FAF2: variants seen among roughly 807,000 people sequenced by gnomAD.
FAF2 encodes FAS-associated factor 2.
A neutral mutation model predicts 62.3 loss-of-function variants in FAF2; 9 were observed. The observed-to-expected ratio is 0.14, with a 90% CI of 0.09 to 0.25. The LOEUF (loss-of-function observed/expected upper bound fraction) is 0.25, where lower values mean the gene tolerates loss of function less well. FAF2 is among the 10% of genes least tolerant of loss of function. The pLI, the probability that FAF2 is intolerant of heterozygous loss-of-function variation, is 1.00. For missense variants in FAF2, 368 were observed against 556.2 expected (o/e 0.66, Z 3.40); for synonymous variants, 202 against 198.0 (o/e 1.02, Z -0.17).
intron 1 of FAF2, among the ~76,000 whole-genome samples, chr5:176,450,145 A>G (rs1161491052): frequency 6.6e-6 from 1 of 152,246 alleles, no homozygotes; most frequent in African/African-American, 2.4e-5. Flanking sequence ...AGACTTCACT[A>G]TAATAAATTT....
At chr5:176,504,498 C>A (rs150532871) in intron 10 of FAF2, among the ~76,000 whole-genome samples, 4 of 151,238 alleles carry the variant, frequency 2.6e-5, no homozygotes, top group African/African-American at 9.7e-5. Context: ...GCAGGAAAAT[C>A]GCTTGAGCCC....
chr5:176,494,203 G>GTGTTTATTATT lies in FAF2; in HGVS notation c.589_590insTGTTTATTATT (p.Glu197ValfsTer9). 6.2e-7 allele frequency: 1 copy of GTGTTTATTATT among 1,614,118 alleles called. No homozygotes were observed. Among genetic ancestry groups the GTGTTTATTATT allele is most frequent in the Non-Finnish European group, 8.5e-7 (1 of 1,180,002 alleles). On this transcript the variant is annotated frameshift_variant, in exon 7 of 11. Coordinates refer to ENST00000261942, the MANE Select transcript of FAF2 (RefSeq NM_014613.3). LOFTEE classifies it high-confidence loss of function. This position sits in a 1 kb window ranked among gnomAD's most constrained non-coding sequence, Gnocchi z 4.0. ...CCACAGCAACACACTCTGTGCACCT[G>GTGTTTATTATT]AAGTTATTTCACTAATAAACACTAG...
chr5:176,499,162 GA>G, intron 9 of FAF2, 77 bp downstream of exon 9: 3 of 1,339,650 alleles, frequency 2.2e-6, no homozygotes, highest in Non-Finnish European at 3.0e-6. Flanking sequence ...AGTGTGAAAG[GA>G]AAAAATGATA....
At chr5:176,460,857 TG>T (rs1318974454) in intron 1 of FAF2, among the ~76,000 whole-genome samples, 1 of 151,714 alleles carries the variant, frequency 6.6e-6, no homozygotes, top group African/African-American at 2.4e-5. Context: ...GAGGCTGAGG[TG>T]GGAGGATCAC....
intron 4 of FAF2, among the ~76,000 whole-genome samples, chr5:176,491,821 C>G (rs147551329): frequency 4.5e-4 from 68 of 152,294 alleles, no homozygotes; most frequent in African/African-American, 1.2e-3. Flanking sequence ...GGCTACAGTA[C>G]TTAGACGGTG....
intron 1 of FAF2, among the ~76,000 whole-genome samples, chr5:176,451,784 G>A (rs1162897260): frequency 1.1e-5 from 1 of 92,788 alleles, no homozygotes; most frequent in Non-Finnish European, 2.1e-5. Flanking sequence ...ACGTGTGTGT[G>A]TGTATATATA....
chr5:176,467,128 CCTT>C (rs1302786748), intron 1 of FAF2, among the ~76,000 whole-genome samples: 5 of 100,146 alleles, frequency 5.0e-5, no homozygotes, highest in Admixed American at 3.8e-4. Flanking sequence ...TTTTTTTTTT[CCTT>C]TTTTTTTTTT....
intron 1 of FAF2, among the ~76,000 whole-genome samples, chr5:176,476,050 G>A (rs1235090450): frequency 6.6e-6 from 1 of 152,098 alleles, no homozygotes; most frequent in Non-Finnish European, 1.5e-5. Flanking sequence ...GAGCCCAGGA[G>A]TTCAAGGCCA....
At chr5:176,461,651 G>T (rs1758381665) in intron 1 of FAF2, among the ~76,000 whole-genome samples, 1 of 151,182 alleles carries the variant, frequency 6.6e-6, no homozygotes, top group African/African-American at 2.4e-5. Flanking sequence ...TTTTAATGGG[G>T]TTATTATTAT....
chr5:176,465,572 G>T (rs1338831059), intron 1 of FAF2, among the ~76,000 whole-genome samples: 1 of 151,918 alleles, frequency 6.6e-6, no homozygotes, highest in African/African-American at 2.4e-5. Context: ...TCACCATGTT[G>T]GCCAGGCTGG....
intron 1 of FAF2, among the ~76,000 whole-genome samples, chr5:176,465,196 T>C (rs916922770): frequency 8.6e-5 from 13 of 151,928 alleles, no homozygotes; most frequent in Non-Finnish European, 1.8e-4. Flanking sequence ...TGGCCAGATA[T>C]GTACCATTTT....
intron 8 of FAF2, among the ~76,000 whole-genome samples, chr5:176,498,211 G>A (rs1755531542): frequency 6.6e-6 from 1 of 152,194 alleles, no homozygotes; most frequent in Admixed American, 6.5e-5. Flanking sequence ...TATAGAACAG[G>A]AAACTTTCCG....
At chr5:176,454,403 A>G (rs1758244122) in intron 1 of FAF2, among the ~76,000 whole-genome samples, 1 of 151,584 alleles carries the variant, frequency 6.6e-6, no homozygotes, top group Non-Finnish European at 1.5e-5. Context: ...CAAAATAAAT[A>G]AATAAAAATA....
intron 7 of FAF2, among the ~76,000 whole-genome samples, chr5:176,495,793 G>GT (rs78340440): frequency 0.099 from 14,987 of 152,072 alleles, 989 homozygotes; most frequent in East Asian, 0.28. Flanking sequence ...GATTAAAGGT[G>GT]GAGCTACCAG....
chr5:176,476,519 T>C (rs569631696), intron 1 of FAF2, among the ~76,000 whole-genome samples: 47 of 151,580 alleles, frequency 3.1e-4, no homozygotes, highest in South Asian at 1.0e-3. Flanking sequence ...ATGTAAATAA[T>C]CATAAGATAG....
chr5:176,471,494 T>G (rs911021384), intron 1 of FAF2, among the ~76,000 whole-genome samples: 18 of 150,844 alleles, frequency 1.2e-4, no homozygotes, highest in African/African-American at 4.1e-4. Flanking sequence ...GTGATTCTCC[T>G]GCCTCAGCCT....
chr5:176,451,827 T>TATATAC (rs1581465585), intron 1 of FAF2, among the ~76,000 whole-genome samples: 1 of 44,574 alleles, frequency 2.2e-5, no homozygotes, highest in African/African-American at 8.4e-5. Context: ...TATATATATA[T>TATATAC]ACATATATAT....
intron 1 of FAF2, chr5:176,453,175 G>C (rs754610546): frequency 6.6e-6 from 1 of 152,170 alleles, no homozygotes; most frequent in African/African-American, 2.4e-5. Flanking sequence ...ATTGTTTTCA[G>C]CTATTTCAGA....
intron 1 of FAF2, among the ~76,000 whole-genome samples, chr5:176,470,501 C>T (rs984499790): frequency 1.3e-5 from 2 of 152,250 alleles, no homozygotes; most frequent in Non-Finnish European, 2.9e-5. Flanking sequence ...CACTTGAACC[C>T]GGGAGGTGGA....
Sources: gnomAD v4.1 joint callset for allele counts (sites outside exome capture counted in the v4.1 genomes callset) on GRCh38, gnomAD v4.1.1 for gene constraint, Gnocchi (gnomAD v3.1) non-coding constraint, MANE v1.5 for transcripts, NCBI Gene and HGNC (gene_info 2026-07-23, HGNC 2026-07-21) for gene names.